MIOS: variants seen among roughly 807,000 people sequenced by gnomAD.
MIOS encodes the protein meiosis regulator for oocyte development.
MIOS carries 52 observed loss-of-function variants against 96.9 expected under a neutral mutation model. The observed-to-expected ratio is 0.54, with a 90% confidence interval of 0.43 to 0.68. The LOEUF (loss-of-function observed/expected upper bound fraction) is 0.68, where lower values mean the gene tolerates loss of function less well. Among genes scored for constraint, MIOS ranks in the 30% least tolerant of loss-of-function variants. The probability of loss-of-function intolerance (pLI) is 0.00; values close to 1 mark genes in which losing one functional copy is unlikely to be tolerated. For missense variants in MIOS, 1,005 were observed against 1,052.8 expected (o/e 0.95, Z 0.63); for synonymous variants, 397 against 359.5 (o/e 1.10, Z -1.18).
chr7:7,581,139 T>C (rs534405263), intron 5 of MIOS, among the ~76,000 whole-genome samples: 119 of 149,894 alleles, frequency 7.9e-4, no homozygotes, highest in Non-Finnish European at 1.4e-3. Flanking sequence ...CCGGCCAACA[T>C]GGCGAAACCC....
intron 11 of MIOS, among the ~76,000 whole-genome samples, chr7:7,600,884 A>C (rs1244682173): frequency 2.0e-5 from 3 of 152,222 alleles, no homozygotes. Flanking sequence ...ACCACAGTGC[A>C]ATCAAACTAG....
rs745896328 is a variant in MIOS, at chr7:7,585,711, T to G, written c.1724T>G (p.Met575Arg). The change falls in exon 7 of 13, where the codon ATG becomes AGG. Residue 575 changes from methionine to arginine, a missense_variant. Transcript: ENST00000340080. ...GAGAAGAACTCCCTTTGGAGAGAAA[T>G]GTGTAGCACACTGCGATTACAGCTA... ...TDEKNSLWRE[M>R]CSTLRLQLNN... 1 of 1,611,012 alleles carries G rather than the reference T, an allele frequency of 6.2e-7. No individual in the cohort carries two copies. Among genetic ancestry groups the G allele is most frequent in the Non-Finnish European group, 8.5e-7 (1 of 1,178,584 alleles).
rs1784541335 is a variant in MIOS, at chr7:7,606,735, G to A, written c.2532-261G>A. On this transcript the variant is annotated intron_variant, in intron 12 of 12. Coordinates refer to ENST00000340080, the MANE Select transcript of MIOS (RefSeq NM_019005.4). Reference sequence around the variant, plus strand: ...GATGCTTTTGATGCTTTTTTTCTCTGGGTTTTAGTTTCTATATTTTTCCAA... The same window carrying A: ...GATGCTTTTGATGCTTTTTTTCTCTAGGTTTTAGTTTCTATATTTTTCCAA... Among the ~76,000 whole-genome samples, 1 of 151,958 alleles carries A rather than the reference G, an allele frequency of 6.6e-6. No homozygotes were observed. The highest frequency in any genetic ancestry group is 2.1e-4 in the South Asian group (1 of 4,824).
chr7:7,567,269 G>A (rs1425970352), intron 1 of MIOS, 197 bp downstream of exon 1: 10 of 152,266 alleles, frequency 6.6e-5, no homozygotes, highest in Non-Finnish European at 1.0e-4. Flanking sequence ...GCGGCCGTGG[G>A]ACCTGCGGAG....
chr7:7,585,668 T>G lies in MIOS; in HGVS notation c.1681T>G (p.Leu561Val). 1 of 1,596,076 alleles carries G rather than the reference T, an allele frequency of 6.3e-7. No individual in the cohort carries two copies. Among genetic ancestry groups the G allele is most frequent in the African/African-American group, 1.4e-5 (1 of 73,918 alleles). ...GAATCTCAATGTGGTAGCAATGGCTTTATCGGGTTATACGGATGAGAAGAA... is the reference window on the plus strand; with the variant it reads ...GAATCTCAATGTGGTAGCAATGGCTGTATCGGGTTATACGGATGAGAAGAA... Reference protein sequence around the residue: ...DLNLNVVAMALSGYTDEKNSL... With the variant: ...DLNLNVVAMAVSGYTDEKNSL... Residue 561 changes from leucine (L) to valine (V), a missense_variant, in exon 7 of 13, where the codon TTA becomes GTA. By Grantham distance (32) the Leu-to-Val change is conservative (BLOSUM62 1). This residue lies in a region of MIOS where 865 missense variants were observed against 887.9 expected (regional missense o/e 0.97). Transcript: ENST00000340080.
intron 9 of MIOS, among the ~76,000 whole-genome samples, chr7:7,594,331 G>C (rs569157772): frequency 6.6e-6 from 1 of 150,572 alleles, no homozygotes; most frequent in Non-Finnish European, 1.5e-5. Flanking sequence ...TTTTTAAATG[G>C]AGTCTCATTC....
At chr7:7,600,397 C>CA (rs977962570) in intron 11 of MIOS, among the ~76,000 whole-genome samples, 1 of 151,458 alleles carries the variant, frequency 6.6e-6, no homozygotes, top group African/African-American at 2.4e-5. Context: ...AAATGGAAAA[C>CA]AAAAAAAGGC....
chr7:7,604,906 T>C (rs966126096), intron 11 of MIOS, among the ~76,000 whole-genome samples: 1 of 152,214 alleles, frequency 6.6e-6, no homozygotes, highest in South Asian at 2.1e-4. Flanking sequence ...ATTTTATTTA[T>C]CTCTTCCCCC....
chr7:7,578,935 T>G lies in MIOS; in HGVS notation c.1394-4183T>G, dbSNP rs368103388. ...CACATTGGCCAGGCTGGTCTCAAAC[T>G]CCTAACCTCAAGTGATCTGCCTGCC... On this transcript the variant is annotated intron_variant, in intron 5 of 12. Coordinates refer to ENST00000340080, the MANE Select transcript of MIOS (RefSeq NM_019005.4). Among the ~76,000 whole-genome samples, 85 of 152,304 alleles carry G rather than the reference T, an allele frequency of 5.6e-4. 2 individuals carry two copies. In the East Asian group the frequency reaches 0.014, roughly 25 times the overall value.
rs898694834 is a variant in MIOS, at chr7:7,607,737, C to A, written c.*645C>A. The A allele has an allele frequency of 2.0e-5, 3 of 152,054 alleles. No individual in the cohort carries two copies. The highest frequency in any genetic ancestry group is 2.9e-5 in the Non-Finnish European group (2 of 67,990). The allele number at this position is 152,054 out of a possible 1,614,324, so 9.4% of individuals were successfully genotyped here. ...TAAGATAAGCAATCTTTTGGCATAA[C>A]ATTATCGTCTTCCTAGAAAAGCCAA... On this transcript the variant is annotated 3_prime_UTR_variant, in exon 13 of 13. Transcript: ENST00000340080.
chr7:7,600,094 C>A (rs1227360257), intron 11 of MIOS, among the ~76,000 whole-genome samples: 3 of 151,916 alleles, frequency 2.0e-5, no homozygotes, highest in Admixed American at 2.0e-4. Context: ...ATGAAATAAT[C>A]CGTACACCAA....
Position 7,596,401 on chromosome 7 carries a change from C to T in MIOS, c.2341C>T (p.Pro781Ser). ...KVTSCPGCRKPLPRCALCLIN... is the reference protein window; with the variant it reads ...KVTSCPGCRKSLPRCALCLIN... ...CACAAGTTGTCCTGGCTGTCGAAAA[C>T]CACTTCCTCGATGTGCGCTTTGTCT... is the stretch of plus-strand genomic sequence containing the variant. The change falls in exon 11 of 13, where the codon CCA (proline) becomes TCA (serine). Residue 781 changes from proline to serine, a missense_variant. Transcript: ENST00000340080. 3 of 1,614,150 alleles carry T rather than the reference C, an allele frequency of 1.9e-6. No homozygotes were observed. The highest frequency in any genetic ancestry group is 2.5e-6 in the Non-Finnish European group (3 of 1,180,036).
intron 11 of MIOS, among the ~76,000 whole-genome samples, chr7:7,603,476 G>A (rs1784437510): frequency 6.7e-6 from 1 of 149,314 alleles, no homozygotes; most frequent in Non-Finnish European, 1.5e-5. Flanking sequence ...CATCATCACT[G>A]GCCATCAGAG....
chr7:7,595,299 C>A (rs1231038198), intron 10 of MIOS, among the ~76,000 whole-genome samples, 167 bp downstream of exon 10: 4 of 152,210 alleles, frequency 2.6e-5, no homozygotes, highest in African/African-American at 7.2e-5. Flanking sequence ...CTGCTTCTTG[C>A]TAACAATCAT....
chr7:7,572,216 C>T lies in MIOS; in HGVS notation c.-40-220C>T, dbSNP rs1399794339. ...GGAAATATAGCCAGGATGGGATTCT[C>T]AGATTCCTACCAGCTCATTTTATTG... On this transcript the variant is annotated intron_variant, in intron 3 of 12. Coordinates refer to ENST00000340080, the MANE Select transcript of MIOS (RefSeq NM_019005.4). This position sits in a 1 kb window ranked among gnomAD's most constrained non-coding sequence, Gnocchi z 4.8. Among the ~76,000 whole-genome samples, 1 of 152,114 alleles carries T rather than the reference C, an allele frequency of 6.6e-6. No homozygotes were observed. Among genetic ancestry groups the T allele is most frequent in the Admixed American group, 6.5e-5 (1 of 15,268 alleles).
At chr7:7,582,656 T>C in intron 5 of MIOS, 2 of 975,946 alleles carry the variant, frequency 2.0e-6, no homozygotes, top group Non-Finnish European at 2.4e-6. Context: ...GCAAGATCAC[T>C]TCTACTGGAT....
At chr7:7,600,876 C>T (rs910384899) in intron 11 of MIOS, among the ~76,000 whole-genome samples, 1 of 152,086 alleles carries the variant, frequency 6.6e-6, no homozygotes, top group African/African-American at 2.4e-5. Context: ...TCTCTCAGAC[C>T]ACAGTGCAAT....
chr7:7,592,236 G>A lies in MIOS; in HGVS notation c.2043+2673G>A, dbSNP rs183400098. Among the ~76,000 whole-genome samples the A allele has an allele frequency of 7.9e-4, 120 of 152,256 alleles. 1 individual carries two copies. The highest frequency in any genetic ancestry group is 3.5e-3 in the South Asian group (17 of 4,818). ...ATGCCTGTCCTCAAGTGATCTGCCC[G>A]CCTCGGCCTCCCAAAGTGCTGGGAT... On this transcript the variant is annotated intron_variant, in intron 9 of 12. Coordinates refer to ENST00000340080, the MANE Select transcript of MIOS (RefSeq NM_019005.4).
intron 9 of MIOS, among the ~76,000 whole-genome samples, chr7:7,592,515 A>G (rs1784077818): frequency 6.6e-6 from 1 of 152,072 alleles, no homozygotes; most frequent in Non-Finnish European, 1.5e-5. Flanking sequence ...TATTTCTATT[A>G]TTATTGCACT....
Sources: allele counts gnomAD v4.1 joint callset (sites outside exome capture counted in the v4.1 genomes callset), GRCh38; gene constraint gnomAD v4.1.1; regional missense constraint gnomAD v4.1.1; non-coding constraint Gnocchi (gnomAD v3.1); transcripts MANE v1.5; gene names NCBI Gene and HGNC (gene_info 2026-07-23, HGNC 2026-07-21).